FAM110B: variants seen among roughly 807,000 people sequenced by gnomAD.
FAM110B encodes family with sequence similarity 110 member B, also known as protein FAM110B.
FAM110B carries 6 observed loss-of-function variants against 20.4 expected under a neutral mutation model. The ratio of observed to expected loss-of-function variants is 0.29; its 90% confidence interval spans 0.16 to 0.58. FAM110B has a LOEUF of 0.58. Ranked by LOEUF, FAM110B falls within the 20% of genes least tolerant of loss-of-function variation. The pLI is 0.90. For synonymous variants in FAM110B, 226 were observed against 214.1 expected (o/e 1.06, Z -0.49); for missense variants, 434 against 498.2 (o/e 0.87, Z 1.23).
intron 2 of FAM110B, among the ~76,000 whole-genome samples, chr8:58,050,460 CAAGT>C (rs1031321035): frequency 2.6e-5 from 4 of 152,154 alleles, no homozygotes; most frequent in Non-Finnish European, 4.4e-5. Flanking sequence ...ACAGCCCTCT[CAAGT>C]AAGGCCATGG....
At chr8:58,127,500 C>G (rs1012249994) in intron 3 of FAM110B, among the ~76,000 whole-genome samples, 1 of 113,252 alleles carries the variant, frequency 8.8e-6, no homozygotes, top group Non-Finnish European at 1.6e-5. Flanking sequence ...ACACCTGCTT[C>G]TTCTTTATTG....
chr8:58,075,998 G>T (rs1412712100), intron 3 of FAM110B, among the ~76,000 whole-genome samples: 1 of 152,136 alleles, frequency 6.6e-6, no homozygotes, highest in Non-Finnish European at 1.5e-5. Context: ...GTTTTGCCCT[G>T]TTGCCCAGGC....
intron 3 of FAM110B, among the ~76,000 whole-genome samples, chr8:58,108,630 C>T (rs1806977898): frequency 6.6e-6 from 1 of 152,226 alleles, no homozygotes; most frequent in South Asian, 2.1e-4. Flanking sequence ...CCAGATGATT[C>T]CAGGAGCACA....
rs757714521 is a variant in FAM110B, at chr8:58,147,368, G to A, written c.*25G>A. On this transcript the variant is annotated 3_prime_UTR_variant, in exon 4 of 4. Coordinates refer to ENST00000519262, the MANE Select transcript of FAM110B (RefSeq NM_001377989.1). ...AGACAGTGCGTGGAAAGGAGGGAGC[G>A]TGGGTCTCTGTGCTTACGCAGTTGT... The A allele has an allele frequency of 2.5e-5, 40 of 1,595,914 alleles. No individual in the cohort carries two copies. In the East Asian group the frequency reaches 6.5e-4, roughly 26 times the overall value.
At chr8:58,059,464 T>C (rs1805614191) in intron 2 of FAM110B, among the ~76,000 whole-genome samples, 1 of 152,102 alleles carries the variant, frequency 6.6e-6, no homozygotes, top group Non-Finnish European at 1.5e-5. Flanking sequence ...GGCTATGGAA[T>C]TGTGTCTCAT....
chr8:58,048,793 G>A (rs1461835852), intron 2 of FAM110B, among the ~76,000 whole-genome samples: 1 of 152,184 alleles, frequency 6.6e-6, no homozygotes, highest in Non-Finnish European at 1.5e-5. Flanking sequence ...TGAGCACACA[G>A]CAGATGTTAA....
At chr8:58,081,806 T>C (rs1247678506) in intron 3 of FAM110B, among the ~76,000 whole-genome samples, 1 of 152,156 alleles carries the variant, frequency 6.6e-6, no homozygotes, top group Non-Finnish European at 1.5e-5. Context: ...TTTTTTTTCT[T>C]AGAATCTAAG....
intron 2 of FAM110B, among the ~76,000 whole-genome samples, chr8:58,043,720 A>G (rs778492781): frequency 3.9e-5 from 6 of 152,152 alleles, no homozygotes; most frequent in Non-Finnish European, 5.9e-5. Flanking sequence ...AAACACTTAC[A>G]TAGTTTGCTA....
chr8:58,070,306 A>C (rs1805863507), intron 2 of FAM110B: 1 of 152,232 alleles, frequency 6.6e-6, no homozygotes, highest in South Asian at 2.1e-4. Flanking sequence ...GCCCGACAGA[A>C]GGCGTTTGTC....
intron 2 of FAM110B, among the ~76,000 whole-genome samples, chr8:58,066,328 G>A (rs1283934178): frequency 1.3e-5 from 2 of 152,166 alleles, no homozygotes; most frequent in East Asian, 1.9e-4. Flanking sequence ...CTCGGTGTTC[G>A]GGGCTGATGC....
intron 2 of FAM110B, among the ~76,000 whole-genome samples, chr8:58,037,715 G>A (rs1327271317): frequency 1.3e-5 from 2 of 152,034 alleles, no homozygotes; most frequent in East Asian, 3.8e-4. Flanking sequence ...GAAAAGTATT[G>A]TTCACAATCT....
At chr8:58,103,838 AGTGCTG>A (rs1399008007) in intron 3 of FAM110B, among the ~76,000 whole-genome samples, 5 of 152,170 alleles carry the variant, frequency 3.3e-5, no homozygotes, top group Admixed American at 3.3e-4. Context: ...AAGTTCACGT[AGTGCTG>A]TCTGCTAATT....
intron 3 of FAM110B, among the ~76,000 whole-genome samples, chr8:58,112,602 C>T (rs775605171): frequency 3.3e-5 from 5 of 152,336 alleles, no homozygotes; most frequent in African/African-American, 4.8e-5. Flanking sequence ...CACTGGGCCA[C>T]GCCCCTGGGC....
intron 3 of FAM110B, among the ~76,000 whole-genome samples, chr8:58,132,552 C>T (rs962660176): frequency 3.3e-5 from 5 of 152,122 alleles, no homozygotes; most frequent in Non-Finnish European, 5.9e-5. Context: ...GCTCACTGAC[C>T]GCAGGCAAGT....
At chr8:58,068,447 T>A (rs565404805) in intron 2 of FAM110B, among the ~76,000 whole-genome samples, 1 of 152,338 alleles carries the variant, frequency 6.6e-6, no homozygotes, top group African/African-American at 2.4e-5. Context: ...CTGGTTTGTT[T>A]CCCAACAGTT....
chr8:58,087,864 G>A (rs997162840), intron 3 of FAM110B, among the ~76,000 whole-genome samples: 19 of 152,176 alleles, frequency 1.2e-4, no homozygotes, highest in African/African-American at 4.6e-4. Context: ...ACCTTTAGGG[G>A]CCAGTGCCCA....
chr8:58,072,628 A>G (rs1805929019), intron 2 of FAM110B, among the ~76,000 whole-genome samples: 1 of 152,232 alleles, frequency 6.6e-6, no homozygotes, highest in Admixed American at 6.5e-5. Context: ...GACACTTTAA[A>G]ATGTTGTTCT....
Position 58,148,393 on chromosome 8 carries a change from T to C in FAM110B, c.*1050T>C, listed in dbSNP as rs955945802. The C allele has an allele frequency of 6.0e-6, 1 of 167,120 alleles. No homozygotes were observed. Among genetic ancestry groups the C allele is most frequent in the African/African-American group, 2.4e-5 (1 of 41,450 alleles). The allele number at this position is 167,120 out of a possible 1,614,324, so 10.4% of individuals were successfully genotyped here. A position where few individuals can be genotyped will look rare whatever the true frequency, so the allele number is the denominator to read the frequency against. On this transcript the variant is annotated 3_prime_UTR_variant, in exon 4 of 4. Transcript: ENST00000519262. The stretch of plus-strand genomic sequence containing the variant: ...ATCTGAGCAGCGTGATTCTGTTGTC[T>C]TGCATATGTTATTCTCTCAGGCTGT...
intron 2 of FAM110B, among the ~76,000 whole-genome samples, chr8:58,038,023 G>T (rs1288367132): frequency 6.6e-6 from 1 of 152,148 alleles, no homozygotes; most frequent in Non-Finnish European, 1.5e-5. Context: ...AAGATGTATT[G>T]TACCAAATGA....
Sources: gnomAD v4.1 joint callset for allele counts (sites outside exome capture counted in the v4.1 genomes callset) on GRCh38, gnomAD v4.1.1 for gene constraint, MANE v1.5 for transcripts, NCBI Gene and HGNC (gene_info 2026-07-23, HGNC 2026-07-21) for gene names.